The following RTN4R variants were observed in gnomAD, a reference collection of about 807,000 sequenced individuals.
The protein encoded by RTN4R is reticulon 4 receptor.
Under a neutral mutation model 27.7 loss-of-function variants are expected in RTN4R, and 4 were observed. That is an observed-to-expected ratio of 0.14 (90% CI 0.07 to 0.33). The LOEUF (loss-of-function observed/expected upper bound fraction) is 0.33, where lower values mean the gene tolerates loss of function less well. Among genes scored for constraint, RTN4R ranks in the 10% least tolerant of loss-of-function variants. The pLI is 1.00. For missense variants in RTN4R, 554 were observed against 671.5 expected, an observed-to-expected ratio of 0.83 and a Z score of 1.93; for synonymous variants, 290 against 305.6, an observed-to-expected ratio of 0.95 and a Z score of 0.53.
chr22:20,247,968 C>T (rs966756774), intron 1 of RTN4R, among the ~76,000 whole-genome samples: 5 of 152,188 alleles, frequency 3.3e-5, no homozygotes, highest in South Asian at 2.1e-4. Flanking sequence ...CGGCAGGGCT[C>T]GTCCCTGCCC....
intron 1 of RTN4R, among the ~76,000 whole-genome samples, chr22:20,249,991 A>G (rs1311824460): frequency 6.6e-6 from 1 of 152,236 alleles, no homozygotes; most frequent in East Asian, 1.9e-4. Context: ...AGCTGGGGGC[A>G]GCAGCTGGCC....
rs768132257 is a variant in RTN4R at position 20,242,191 on chromosome 22, G to GC, written c.941dup (p.Tyr316LeufsTer12). Reference sequence around the variant, plus strand: ...TGCCGGTCCAGATGGGATGGTAAGGGCCGGTGGCCACAGCGCAGCCCTGCA... The same window carrying GC: ...TGCCGGTCCAGATGGGATGGTAAGGGCCCGGTGGCCACAGCGCAGCCCTGCA... On this transcript the variant is annotated frameshift_variant, in exon 2 of 2. Transcript: ENST00000043402. LOFTEE classifies it high-confidence loss of function. The GC allele has an allele frequency of 6.2e-7, 1 of 1,610,738 alleles. No homozygotes were observed. The highest frequency in any genetic ancestry group is 1.3e-5 in the African/African-American group (1 of 75,028).
At position 20,255,638 on chromosome 22, in the gene RTN4R, G is replaced by C. The variant is rs1381074139; in HGVS notation, c.22+12433C>G. Among the ~76,000 whole-genome samples, 1 of 151,788 alleles carries C rather than the reference G, an allele frequency of 6.6e-6. No individual in the cohort carries two copies. Among genetic ancestry groups the C allele is most frequent in the Non-Finnish European group, 1.5e-5 (1 of 67,864 alleles). ...TGAACCAGCCTCAGAGTTCCTGCCTGCCCACCCAGCCCAGCCCTCACACTG... is the reference window on the plus strand; with the variant it reads ...TGAACCAGCCTCAGAGTTCCTGCCTCCCCACCCAGCCCAGCCCTCACACTG... On this transcript the variant is annotated intron_variant, in intron 1 of 1. Coordinates refer to ENST00000043402, the MANE Select transcript of RTN4R (RefSeq NM_023004.6). The surrounding 1 kb of genome is among the most constrained non-coding windows in gnomAD (Gnocchi z 4.8).
chr22:20,257,786 G>T (rs1306232654), intron 1 of RTN4R, among the ~76,000 whole-genome samples: 2 of 152,182 alleles, frequency 1.3e-5, no homozygotes, highest in Non-Finnish European at 2.9e-5. Flanking sequence ...CTGACACTGG[G>T]CCAGGTGGAA....
chr22:20,242,476 C>A lies in RTN4R; in HGVS notation c.657G>T (p.Pro219=), dbSNP rs746556660. ...GGCGGCCAAGGTCACGGAAGGCATG[C>A]GGGTGCACATGGGCCACGCGGTTCT... ...LHQNRVAHVH[P]HAFRDLGRLM... The change falls in exon 2 of 2, where the codon CCG becomes CCT. Residue 219 remains proline, a synonymous_variant. Coordinates refer to ENST00000043402, the MANE Select transcript of RTN4R (RefSeq NM_023004.6). 10 of 1,613,668 alleles carry A rather than the reference C, an allele frequency of 6.2e-6. No homozygotes were observed. The South Asian group carries it at 9.9e-5, about 16-fold the overall frequency.
chr22:20,246,739 C>T (rs1243497621), intron 1 of RTN4R, among the ~76,000 whole-genome samples: 1 of 152,238 alleles, frequency 6.6e-6, no homozygotes, highest in Non-Finnish European at 1.5e-5. Context: ...CTCTGCCCAG[C>T]GATGCCAGGA....
rs773134221 is a variant in RTN4R at position 20,242,705 on chromosome 22, T to C, written c.428A>G (p.Gln143Arg). Residue 143 changes from glutamine to arginine, a missense_variant, in exon 2 of 2, where the codon CAG becomes CGG. Gln to Arg is a conservative substitution (Grantham distance 43). This residue lies in a region of RTN4R where 413 missense variants were observed against 542.3 expected (regional missense o/e 0.76). Coordinates refer to ENST00000043402, the MANE Select transcript of RTN4R (RefSeq NM_023004.6). ...GCGGAACAGCCCCGGGCCCAGCTCC[T>C]GCAGGCCGCAGCGGTCCAGGTGCAG... ...HTLHLDRCGL[Q>R]ELGPGLFRGL... 1.2e-6 allele frequency: 2 copies of C among 1,612,476 alleles called. No individual in the cohort carries two copies. The highest frequency in any genetic ancestry group is 8.5e-7 in the Non-Finnish European group (1 of 1,179,642).
chr22:20,267,444 C>T (rs1220319934), intron 1 of RTN4R, among the ~76,000 whole-genome samples: 1 of 152,160 alleles, frequency 6.6e-6, no homozygotes, highest in Non-Finnish European at 1.5e-5. Context: ...GATTGCCCCA[C>T]CGCCCCTGAT....
rs1354545139 is a variant in RTN4R, at chr22:20,255,649, C to A, written c.22+12422G>T. Among the ~76,000 whole-genome samples, 3 of 152,280 alleles carry A rather than the reference C, an allele frequency of 2.0e-5. No homozygotes were observed. Among genetic ancestry groups the A allele is most frequent in the African/African-American group, 7.2e-5 (3 of 41,572 alleles). On this transcript the variant is annotated intron_variant, in intron 1 of 1. Transcript: ENST00000043402. The surrounding 1 kb of genome is among the most constrained non-coding windows in gnomAD (Gnocchi z 4.8). ...CAGAGTTCCTGCCTGCCCACCCAGCCCAGCCCTCACACTGTGATGAAGCCC... is the reference window on the plus strand; with the variant it reads ...CAGAGTTCCTGCCTGCCCACCCAGCACAGCCCTCACACTGTGATGAAGCCC...
chr22:20,264,501 C>T (rs1254182375), intron 1 of RTN4R, among the ~76,000 whole-genome samples: 3 of 152,248 alleles, frequency 2.0e-5, no homozygotes, highest in East Asian at 1.9e-4. Context: ...TAGAGATGCC[C>T]GATGCCAAGG....
chr22:20,260,647 G>A (rs1363153340), intron 1 of RTN4R, among the ~76,000 whole-genome samples: 1 of 152,144 alleles, frequency 6.6e-6, no homozygotes, highest in Non-Finnish European at 1.5e-5. Context: ...GGGGCAGGTG[G>A]CCCACCCTCC....
rs566461356 is a variant in RTN4R, at chr22:20,241,631, C to A, written c.*80G>T. 3 of 1,509,072 alleles carry A rather than the reference C, an allele frequency of 2.0e-6. No homozygotes were observed. The highest frequency in any genetic ancestry group is 2.8e-5 in the African/African-American group (2 of 72,166). The allele number at this position is 1,509,072 out of a possible 1,614,324, so 93.5% of individuals were successfully genotyped here. ...TGGCCTGCCCCACGGGTCGGCCGCC[C>A]GGCTGGCTTGGCGGCGTGGAGAGAG... On this transcript the variant is annotated 3_prime_UTR_variant, in exon 2 of 2. Transcript: ENST00000043402.
intron 1 of RTN4R, among the ~76,000 whole-genome samples, chr22:20,248,634 G>A (rs923818889): frequency 3.3e-5 from 5 of 152,172 alleles, no homozygotes; most frequent in Non-Finnish European, 7.4e-5. Flanking sequence ...AGACCAGGCC[G>A]AGGAGCCGGG....
chr22:20,245,397 G>T (rs1050984194), intron 1 of RTN4R, among the ~76,000 whole-genome samples: 2 of 152,248 alleles, frequency 1.3e-5, no homozygotes, highest in African/African-American at 4.8e-5. Context: ...GAGCGAGCAG[G>T]AGGGGGCATC....
Position 20,241,940 on chromosome 22 carries a change from A to T in RTN4R, c.1193T>A (p.Val398Glu), listed in dbSNP as rs773352645. 2 of 1,608,234 alleles carry T rather than the reference A, an allele frequency of 1.2e-6. No homozygotes were observed. Among genetic ancestry groups the T allele is most frequent in the East Asian group, 4.5e-5 (2 of 44,834 alleles). Residue 398 changes from valine (V) to glutamate (E), a missense_variant, in exon 2 of 2, where the codon GTG becomes GAG. By Grantham distance (121) the Val-to-Glu change is moderately radical. Transcript: ENST00000043402. ...TGGTGGCTCGGAGCCCTCGGGCCGCACTGCAGTGAGCGGGGGCTCAGCAGA... is the reference window on the plus strand; with the variant it reads ...TGGTGGCTCGGAGCCCTCGGGCCGCTCTGCAGTGAGCGGGGGCTCAGCAGA... ...PGSAEPPLTAVRPEGSEPPGF... is the reference protein window; with the variant it reads ...PGSAEPPLTAERPEGSEPPGF...
intron 1 of RTN4R, among the ~76,000 whole-genome samples, chr22:20,247,118 C>T (rs77225097): frequency 0.027 from 4,153 of 152,180 alleles, 198 homozygotes; most frequent in African/African-American, 0.095. Flanking sequence ...AGGCAGCGCC[C>T]TCCTGTGTCA....
At position 20,242,893 on chromosome 22, in the gene RTN4R, G is replaced by A; in HGVS notation, c.240C>T (p.Cys80=). Residue 80 remains cysteine, a synonymous_variant, in exon 2 of 2, where the codon TGC becomes TGT. Transcript: ENST00000043402. ...GCAGCCACAGGATGGTGAGGTTGCG[G>A]CAGGCACGGAAGCTGGCAGCTGGCA... is the stretch of plus-strand genomic sequence containing the variant. The part of the protein sequence containing the change: ...SHVPAASFRA[C]RNLTILWLHS... 1 of 1,612,324 alleles carries A rather than the reference G, an allele frequency of 6.2e-7. No individual in the cohort carries two copies. Among genetic ancestry groups the A allele is most frequent in the Non-Finnish European group, 8.5e-7 (1 of 1,179,630 alleles).
intron 1 of RTN4R, among the ~76,000 whole-genome samples, chr22:20,254,556 T>C (rs1051815754): frequency 2.0e-5 from 3 of 151,310 alleles, no homozygotes; most frequent in South Asian, 2.1e-4. Flanking sequence ...CATGGAATTC[T>C]AGACCGAAAC....
chr22:20,245,723 C>T (rs2051136730), intron 1 of RTN4R, among the ~76,000 whole-genome samples: 1 of 152,228 alleles, frequency 6.6e-6, no homozygotes, highest in African/African-American at 2.4e-5. Flanking sequence ...ATAGGATGCT[C>T]TACTGTCCTT....
Sources: allele counts gnomAD v4.1 joint callset (sites outside exome capture counted in the v4.1 genomes callset), GRCh38; gene constraint gnomAD v4.1.1; regional missense constraint gnomAD v4.1.1; non-coding constraint Gnocchi (gnomAD v3.1); transcripts MANE v1.5; gene names NCBI Gene and HGNC (gene_info 2026-07-23, HGNC 2026-07-21).